PRDM4: variants seen among roughly 807,000 people sequenced by gnomAD.
PRDM4 encodes PR domain zinc finger protein 4.
A neutral mutation model predicts 62.3 loss-of-function variants in PRDM4; 38 were observed. The observed-to-expected ratio is 0.61, with a 90% CI of 0.47 to 0.80. PRDM4 has a LOEUF of 0.80. Ranked by LOEUF, PRDM4 falls within the 30% of genes least tolerant of loss-of-function variation. PRDM4 has a pLI of 0.00. For missense variants in PRDM4, 858 were observed against 997.1 expected, an observed-to-expected ratio of 0.86 and a Z score of 1.88; for synonymous variants, 339 against 348.2, an observed-to-expected ratio of 0.97 and a Z score of 0.30.
At chr12:107,751,153 T>C (rs889399096) in intron 5 of PRDM4, among the ~76,000 whole-genome samples, 1 of 152,222 alleles carries the variant, frequency 6.6e-6, no homozygotes, top group Non-Finnish European at 1.5e-5. Context: ...GCTAAGCTTA[T>C]CTGCAAAATA....
intron 10 of PRDM4, among the ~76,000 whole-genome samples, chr12:107,740,330 T>C (rs761528243): frequency 1.3e-5 from 2 of 151,850 alleles, no homozygotes; most frequent in Non-Finnish European, 2.9e-5. Context: ...ATATTAAAAA[T>C]ACAAAAATTA....
rs368568429 is a variant in PRDM4, at chr12:107,751,941, A to G, written c.600T>C (p.Val200=). 6.8e-6 allele frequency: 11 copies of G among 1,614,228 alleles called. No homozygotes were observed. Among genetic ancestry groups the G allele is most frequent in the Non-Finnish European group, 9.3e-6 (11 of 1,180,040 alleles). ...TTCCATCTGTCGAAATTGGGCTGGT[A>G]ACCCTAGAAACGTTCTCCATAGTGA... ...TAITMENVSR[V]TSPISTDGMA... Residue 200 remains valine, a synonymous_variant, in exon 5 of 12, where the codon GTT becomes GTC. Transcript: ENST00000228437.
intron 7 of PRDM4, 100 bp downstream of exon 7, chr12:107,744,443 T>C: frequency 4.5e-6 from 6 of 1,319,170 alleles, no homozygotes; most frequent in Non-Finnish European, 6.3e-6. Context: ...TGAATGGCAC[T>C]GTATCAGTTC....
At chr12:107,741,296 T>C (rs182527703) in intron 9 of PRDM4, 36 bp from the exon 10 acceptor site, 2 of 1,548,688 alleles carry the variant, frequency 1.3e-6, no homozygotes, top group East Asian at 4.5e-5. Flanking sequence ...CTCCCAATAC[T>C]TGAATCTTAA....
chr12:107,753,902 CT>C, intron 4 of PRDM4, 21 bp downstream of exon 4: 1 of 1,586,622 alleles, frequency 6.3e-7, no homozygotes, highest in Non-Finnish European at 8.6e-7. Context: ...TCTCTAACAT[CT>C]CAAGTAACTG....
chr12:107,743,181 C>T lies in PRDM4; in HGVS notation c.1481+16G>A. ...CTAAATGGTAACTATTTTTTCTCATCCAAGACTACTCATACCTGGCTTTGC... is the reference window on the plus strand; with the variant it reads ...CTAAATGGTAACTATTTTTTCTCATTCAAGACTACTCATACCTGGCTTTGC... On this transcript the variant is annotated intron_variant, in intron 8 of 11. Coordinates refer to ENST00000228437, the MANE Select transcript of PRDM4 (RefSeq NM_012406.4). 1.9e-6 allele frequency: 3 copies of T among 1,579,630 alleles called. No individual in the cohort carries two copies. The highest frequency in any genetic ancestry group is 2.6e-6 in the Non-Finnish European group (3 of 1,149,430).
intron 11 of PRDM4, chr12:107,739,087 T>C (rs981993871): frequency 1.1e-5 from 3 of 280,644 alleles, no homozygotes; most frequent in African/African-American, 4.4e-5. Context: ...CGTCTAACTA[T>C]AAGCAACCAC....
At chr12:107,738,298 T>C (rs1266648335) in intron 11 of PRDM4, 9 of 152,196 alleles carry the variant, frequency 5.9e-5, no homozygotes, top group Admixed American at 4.6e-4. Flanking sequence ...TTTGTAAAAT[T>C]TCATGCTAGC....
Position 107,747,290 on chromosome 12 carries a change from T to A in PRDM4, c.1127-866A>T, listed in dbSNP as rs1200815317. ...GAAACTGAGTTGAAATGCTGTTAGT[T>A]ATGCAGAGCCAAAATATGGCCACGG... On this transcript the variant is annotated intron_variant, in intron 5 of 11. Transcript: ENST00000228437. Among the ~76,000 whole-genome samples, 27 of 151,932 alleles carry A rather than the reference T, an allele frequency of 1.8e-4. 1 individual carries two copies.
intron 3 of PRDM4, 121 bp downstream of exon 3, chr12:107,756,711 C>T (rs1358827394): frequency 1.3e-5 from 15 of 1,196,594 alleles, no homozygotes; most frequent in Non-Finnish European, 1.7e-5. Context: ...ACCATTCAGG[C>T]CTGCTTACCT....
At chr12:107,753,741 T>C (rs1417481296) in intron 4 of PRDM4, among the ~76,000 whole-genome samples, 183 bp downstream of exon 4, 2 of 152,254 alleles carry the variant, frequency 1.3e-5, no homozygotes, top group African/African-American at 2.4e-5. Context: ...GTATTACTAA[T>C]GTGTTATGTG....
intron 3 of PRDM4, 87 bp from the exon 4 acceptor site, chr12:107,754,196 GT>G: frequency 5.4e-6 from 6 of 1,114,462 alleles, no homozygotes; most frequent in East Asian, 2.6e-5. Flanking sequence ...TCTTAGAAAG[GT>G]TTTTACACAT....
chr12:107,751,015 C>T (rs1890873957), intron 5 of PRDM4, among the ~76,000 whole-genome samples: 1 of 152,196 alleles, frequency 6.6e-6, no homozygotes, highest in Non-Finnish European at 1.5e-5. Flanking sequence ...CTTCCTCAGC[C>T]TCCAGAATAG....
At chr12:107,758,314 G>T (rs142630484) in intron 2 of PRDM4, 6 of 138,516 alleles carry the variant, frequency 4.3e-5, no homozygotes, top group East Asian at 4.4e-4. Context: ...GCAGTGGCGT[G>T]ATCACAGCTG....
At chr12:107,747,185 T>C (rs1352953617) in intron 5 of PRDM4, among the ~76,000 whole-genome samples, 1 of 152,068 alleles carries the variant, frequency 6.6e-6, no homozygotes, top group East Asian at 1.9e-4. Context: ...ATCAAGTACA[T>C]TATCCCTTAC....
chr12:107,754,205 C>T (rs4964617), intron 3 of PRDM4, 96 bp from the exon 4 acceptor site: 348,066 of 969,912 alleles, frequency 0.36, 68,455 homozygotes, highest in Middle Eastern at 0.42. Flanking sequence ...GGTTTTTACA[C>T]ATGGGCAAAA....
intron 6 of PRDM4, among the ~76,000 whole-genome samples, chr12:107,745,406 AT>A (rs973489606): frequency 2.0e-5 from 3 of 150,746 alleles, no homozygotes; most frequent in African/African-American, 4.9e-5. Context: ...TACAAAAAAA[AT>A]TTTTTTTTTA....
intron 11 of PRDM4, among the ~76,000 whole-genome samples, chr12:107,736,078 C>T (rs925647775): frequency 6.6e-6 from 1 of 152,188 alleles, no homozygotes; most frequent in African/African-American, 2.4e-5. Flanking sequence ...AAAAGTCTGA[C>T]TTTTCATCTT....
At chr12:107,746,481 C>G in intron 5 of PRDM4, 57 bp from the exon 6 acceptor site, 3 of 1,414,856 alleles carry the variant, frequency 2.1e-6, no homozygotes, top group Non-Finnish European at 2.9e-6. Flanking sequence ...GGCTAAATTA[C>G]CACCACGGTT....
Sources: allele counts gnomAD v4.1 joint callset (sites outside exome capture counted in the v4.1 genomes callset), GRCh38; gene constraint gnomAD v4.1.1; transcripts MANE v1.5; gene names NCBI Gene and HGNC (gene_info 2026-07-23, HGNC 2026-07-21).